Variants in FAM120B observed in about 807,000 individuals in gnomAD.
FAM120B encodes the protein family with sequence similarity 120 member B.
In FAM120B, 83 loss-of-function variants were observed where a neutral mutation model predicts 96.3. That is an observed-to-expected ratio of 0.86 (90% CI 0.72 to 1.03). FAM120B has a LOEUF of 1.03. Ranked by LOEUF, FAM120B falls within the 50% of genes least tolerant of loss-of-function variation. The pLI is 0.00. For missense variants in FAM120B, 1,027 were observed against 1,121.2 expected, an observed-to-expected ratio of 0.92 and a Z score of 1.20; for synonymous variants, 407 against 402.7, an observed-to-expected ratio of 1.01 and a Z score of -0.13.
chr6:170,358,963 G>A (rs1425142679), intron 6 of FAM120B, among the ~76,000 whole-genome samples: 5 of 152,198 alleles, frequency 3.3e-5, no homozygotes, highest in African/African-American at 7.2e-5. Flanking sequence ...AGTCACCTGT[G>A]GATGGAATCT....
At chr6:170,308,300 G>A (rs915874330) in intron 1 of FAM120B, among the ~76,000 whole-genome samples, 2 of 152,036 alleles carry the variant, frequency 1.3e-5, no homozygotes, top group South Asian at 4.2e-4. Context: ...AGCTGGGTCG[G>A]GGTCTTCACT....
upstream of FAM120B, among the ~76,000 whole-genome samples, chr6:170,303,192 ATC>A (rs1784177471): frequency 2.0e-5 from 3 of 152,124 alleles, no homozygotes; most frequent in South Asian, 6.2e-4. Context: ...TCTTACATTT[ATC>A]TCTTATATAT....
At chr6:170,359,245 A>G (rs1256422573) in intron 6 of FAM120B, among the ~76,000 whole-genome samples, 1 of 152,088 alleles carries the variant, frequency 6.6e-6, no homozygotes, top group Non-Finnish European at 1.5e-5. Flanking sequence ...TACTAAAAAT[A>G]CAAAAATTAG....
At chr6:170,338,683 G>A (rs1208766870) in intron 4 of FAM120B, among the ~76,000 whole-genome samples, 1 of 152,112 alleles carries the variant, frequency 6.6e-6, no homozygotes, top group Non-Finnish European at 1.5e-5. Flanking sequence ...GTAAGAGCTT[G>A]TTTTATGAAT....
intron 4 of FAM120B, among the ~76,000 whole-genome samples, chr6:170,336,478 A>T (rs183882651): frequency 1.4e-3 from 212 of 152,280 alleles, no homozygotes; most frequent in African/African-American, 4.9e-3. Context: ...TGATGGCTCC[A>T]GCTTTGTTCT....
intron 5 of FAM120B, among the ~76,000 whole-genome samples, chr6:170,355,196 G>A (rs1787827054): frequency 6.6e-6 from 1 of 152,130 alleles, no homozygotes; most frequent in Non-Finnish European, 1.5e-5. Flanking sequence ...AATACTATTT[G>A]ACCCAGCAAT....
intron 4 of FAM120B, among the ~76,000 whole-genome samples, chr6:170,344,569 CCT>C (rs1390653035): frequency 2.6e-5 from 4 of 151,962 alleles, no homozygotes; most frequent in African/African-American, 7.3e-5. Context: ...GCGGTGCTAG[CCT>C]CTCTCTGGTT....
chr6:170,404,725 G>C (rs920496764), intron 10 of FAM120B, 38 bp from the exon 11 acceptor site: 1 of 746,948 alleles, frequency 1.3e-6, no homozygotes, highest in Non-Finnish European at 2.2e-6. Context: ...ACCTGGTGCC[G>C]AGTTAACTTG....
intron 3 of FAM120B, among the ~76,000 whole-genome samples, chr6:170,327,346 A>G (rs1199510758): frequency 6.6e-6 from 1 of 152,194 alleles, no homozygotes; most frequent in Non-Finnish European, 1.5e-5. Flanking sequence ...GCGCCCGGCC[A>G]ACTTGAATTT....
chr6:170,321,137 CTTAAT>C (rs1401857573), intron 2 of FAM120B, among the ~76,000 whole-genome samples: 1 of 152,198 alleles, frequency 6.6e-6, no homozygotes, highest in Non-Finnish European at 1.5e-5. Flanking sequence ...ATGGATTGAA[CTTAAT>C]TGTATCTTTG....
chr6:170,355,240 C>G (rs114077718), intron 5 of FAM120B, among the ~76,000 whole-genome samples: 1,738 of 152,238 alleles, frequency 0.011, 23 homozygotes, highest in African/African-American at 0.036. Context: ...GAATAGAAAT[C>G]ATTCTATTGT....
At chr6:170,349,398 T>G (rs550885272) in intron 5 of FAM120B, among the ~76,000 whole-genome samples, 22 of 152,376 alleles carry the variant, frequency 1.4e-4, no homozygotes, top group Non-Finnish European at 2.9e-4. Flanking sequence ...ATTGATTGTC[T>G]TTAAGAAATG....
At chr6:170,385,654 C>A (rs73251727) in intron 6 of FAM120B, among the ~76,000 whole-genome samples, 5,496 of 152,254 alleles carry the variant, frequency 0.036, 315 homozygotes, top group African/African-American at 0.12. Flanking sequence ...GCGCCCCTTG[C>A]TGCAGCCACA....
intron 6 of FAM120B, among the ~76,000 whole-genome samples, chr6:170,379,846 T>C (rs1789800646): frequency 6.6e-6 from 1 of 152,222 alleles, no homozygotes; most frequent in Admixed American, 6.5e-5. Flanking sequence ...TCACCTTTTG[T>C]GTATGTGTGT....
At chr6:170,314,017 G>T (rs1482369446) in intron 1 of FAM120B, among the ~76,000 whole-genome samples, 1 of 152,242 alleles carries the variant, frequency 6.6e-6, no homozygotes, top group African/African-American at 2.4e-5. Context: ...TGAGCGCATT[G>T]CTCTTAACCT....
Position 170,295,504 on chromosome 6 carries a change from C to A in FAM120B, c.48+51C>A. 2 of 691,222 alleles carry A rather than the reference C, an allele frequency of 2.9e-6. No homozygotes were observed. The highest frequency in any genetic ancestry group is 1.5e-5 in the South Asian group (1 of 66,452). The allele number at this position is 691,222 out of a possible 1,614,324, so 42.8% of individuals were successfully genotyped here. A position where few individuals can be genotyped will look rare whatever the true frequency, so the allele number is the denominator to read the frequency against. ...GGCGCGCGGCCCCCAGGCAGCCGCG[C>A]TTCCACAGCGGGCAGGAGCGCGACC... On this transcript the variant is annotated intron_variant, in intron 1 of 10. Coordinates refer to the FAM120B transcript ENST00000537664. The surrounding 1 kb of genome is among the most constrained non-coding windows in gnomAD (Gnocchi z 7.8).
rs1226567875 is a variant in FAM120B, at chr6:170,406,707, C to T, written c.*1956C>T. On this transcript the variant is annotated 3_prime_UTR_variant, in exon 11 of 11. Transcript: ENST00000476287. ...ATTTCCCTATGTCAGTAAACATTAA[C>T]TTTCTATTTCTTCCATTTTTGCTCA... The T allele has an allele frequency of 6.6e-6, 1 of 152,030 alleles. No homozygotes were observed. The highest frequency in any genetic ancestry group is 2.1e-4 in the South Asian group (1 of 4,830). The allele number at this position is 152,030 out of a possible 1,614,324, so 9.4% of individuals were successfully genotyped here.
rs559920055 is a variant in FAM120B, at chr6:170,295,593, G to A, written c.48+140G>A. 1 of 548,942 alleles carries A rather than the reference G, an allele frequency of 1.8e-6. No homozygotes were observed. The highest frequency in any genetic ancestry group is 2.0e-5 in the African/African-American group (1 of 49,402). 34.0% of individuals were successfully genotyped at this position (548,942 alleles called of 1,614,324 possible). ...GGGGGCACAAGAACAGCAGCCGGGGGCGAAGGAATCAGCCCCGCAGCGGCT... is the reference window on the plus strand; with the variant it reads ...GGGGGCACAAGAACAGCAGCCGGGGACGAAGGAATCAGCCCCGCAGCGGCT... On this transcript the variant is annotated intron_variant, in intron 1 of 10. Transcript: ENST00000537664. The surrounding 1 kb of genome is among the most constrained non-coding windows in gnomAD (Gnocchi z 7.8).
chr6:170,362,883 C>T (rs374100135), intron 6 of FAM120B, among the ~76,000 whole-genome samples: 3 of 151,820 alleles, frequency 2.0e-5, no homozygotes, highest in African/African-American at 2.4e-5. Context: ...TGGGGTGTTG[C>T]TATGTTGCCC....
Sources: allele counts gnomAD v4.1 joint callset (sites outside exome capture counted in the v4.1 genomes callset), GRCh38; gene constraint gnomAD v4.1.1; non-coding constraint Gnocchi (gnomAD v3.1); transcripts MANE v1.5; gene names NCBI Gene and HGNC (gene_info 2026-07-23, HGNC 2026-07-21).